Variants in OR6J1 observed in about 807,000 individuals in gnomAD.
OR6J1 encodes the protein olfactory receptor 6J1.
For synonymous variants in OR6J1, 109 were observed against 70.0 expected (o/e 1.56, Z -2.78); for missense variants, 304 against 166.8 (o/e 1.82, Z -4.53).
intron 1 of OR6J1, among the ~76,000 whole-genome samples, chr14:22,643,039 G>C (rs2037663253): frequency 1.3e-5 from 2 of 148,492 alleles, no homozygotes; most frequent in East Asian, 2.0e-4. Context: ...GCAATCTCTG[G>C]TCACTGCAAC....
At position 22,631,035 on chromosome 14, in the gene OR6J1, G is replaced by A. The variant is rs978910205; in HGVS notation, c.*2733C>T. 6.6e-6 allele frequency: 1 copy of A among 152,216 alleles called. No individual in the cohort carries two copies. The highest frequency in any genetic ancestry group is 2.1e-4 in the South Asian group (1 of 4,820). 9.4% of individuals were successfully genotyped at this position (152,216 alleles called of 1,614,324 possible). On this transcript the variant is annotated 3_prime_UTR_variant, in exon 2 of 2. Coordinates refer to ENST00000540461, the MANE Select transcript of OR6J1 (RefSeq NM_001348233.2). The stretch of plus-strand genomic sequence containing the variant: ...AGTTTTTATTAGGGACTTTCAAAAG[G>A]GGAGGGAGTGTACGAATAGGTGTGG...
rs1294125678 is a variant in OR6J1 at position 22,633,297 on chromosome 14, G to A, written c.*471C>T. 1.3e-5 allele frequency: 2 copies of A among 158,102 alleles called. No individual in the cohort carries two copies. The highest frequency in any genetic ancestry group is 4.8e-5 in the African/African-American group (2 of 41,378). 9.8% of individuals were successfully genotyped at this position (158,102 alleles called of 1,614,324 possible). ...TATTATTAAATAACACAGATGACAT[G>A]CACCCAACACAATCATTGCAAATGC... On this transcript the variant is annotated 3_prime_UTR_variant, in exon 2 of 2. Transcript: ENST00000540461.
chr14:22,642,312 A>ACTATATATATATATAT (rs2037658157), intron 1 of OR6J1, among the ~76,000 whole-genome samples: 1 of 109,240 alleles, frequency 9.2e-6, no homozygotes. Context: ...TCAACTTAAG[A>ACTATATATATATATAT]ATATATATAT....
At position 22,638,009 on chromosome 14, in the gene OR6J1, G is replaced by A. The variant is rs1176669766; in HGVS notation, c.-27-3171C>T. ...GAGGAGCCCCTCTGCCTGGCCAGCC[G>A]CCCCGTCCGGGAGGATGGTGGGGGG... On this transcript the variant is annotated intron_variant, in intron 1 of 1. Transcript: ENST00000540461. Among the ~76,000 whole-genome samples, 32 of 86,000 alleles carry A rather than the reference G, an allele frequency of 3.7e-4. 1 individual carries two copies. The highest frequency in any genetic ancestry group is 2.8e-3 in the Admixed American group (30 of 10,720). 56.4% of individuals were successfully genotyped at this position (86,000 alleles called of 152,430 possible). A position where few individuals can be genotyped will look rare whatever the true frequency, so the allele number is the denominator to read the frequency against.
chr14:22,636,213 TAAG>T (rs997380689), intron 1 of OR6J1, among the ~76,000 whole-genome samples: 1 of 119,004 alleles, frequency 8.4e-6, no homozygotes, highest in Non-Finnish European at 1.7e-5. Flanking sequence ...AAATATAAAT[TAAG>T]ACACTAGCGC....
chr14:22,640,956 G>A (rs936185833), intron 1 of OR6J1, among the ~76,000 whole-genome samples: 1 of 151,212 alleles, frequency 6.6e-6, no homozygotes, highest in South Asian at 2.1e-4. Flanking sequence ...ATGACTTAAG[G>A]TCAGGAGTTT....
At chr14:22,643,748 CACACACACACACACACAG>C (rs1352898070) in intron 1 of OR6J1, among the ~76,000 whole-genome samples, 4 of 108,472 alleles carry the variant, frequency 3.7e-5, no homozygotes, top group African/African-American at 7.4e-5. Flanking sequence ...CACACACACA[CACACACACACACACACAG>C]AGAGAGAGAG....
At chr14:22,641,822 T>G (rs1048935966) in intron 1 of OR6J1, among the ~76,000 whole-genome samples, 4 of 152,150 alleles carry the variant, frequency 2.6e-5, no homozygotes, top group African/African-American at 4.8e-5. Context: ...AGTTTTTTCA[T>G]GGATATTTGT....
At chr14:22,642,416 G>A (rs574133164) in intron 1 of OR6J1, among the ~76,000 whole-genome samples, 59 of 149,514 alleles carry the variant, frequency 3.9e-4, no homozygotes, top group African/African-American at 1.3e-3. Flanking sequence ...TCAGCTCACT[G>A]CAACCTCCAC....
At chr14:22,638,842 G>T (rs1432710353) in intron 1 of OR6J1, among the ~76,000 whole-genome samples, 4 of 88,190 alleles carry the variant, frequency 4.5e-5, no homozygotes, top group Non-Finnish European at 9.5e-5. Context: ...AGTGAGGAGC[G>T]TCTCCGCCCG....
intron 1 of OR6J1, among the ~76,000 whole-genome samples, chr14:22,640,451 G>A (rs1464665771): frequency 6.7e-6 from 1 of 148,422 alleles, no homozygotes; most frequent in African/African-American, 2.5e-5. Flanking sequence ...ATAAAGAAAT[G>A]AATAAACTTC....
chr14:22,631,731 C>A lies in OR6J1; in HGVS notation c.*2037G>T. ...ATTCATTGGGGAAGTGATAAGTGTC[C>A]ATGAAATCTTCACTATCCACATTCT... On this transcript the variant is annotated 3_prime_UTR_variant, in exon 2 of 2. Transcript: ENST00000540461. The A allele has an allele frequency of 6.5e-6, 1 of 153,382 alleles. No individual in the cohort carries two copies. Among genetic ancestry groups the A allele is most frequent in the South Asian group, 1.9e-4 (1 of 5,172 alleles). 9.5% of individuals were successfully genotyped at this position (153,382 alleles called of 1,614,324 possible).
At chr14:22,637,587 G>A (rs1304972886) in intron 1 of OR6J1, among the ~76,000 whole-genome samples, 4 of 45,636 alleles carry the variant, frequency 8.8e-5, no homozygotes, top group African/African-American at 4.2e-4. Context: ...AGGGAGGTGG[G>A]GGGGTCAGCC....
At chr14:22,637,546 G>T (rs2037600430) in intron 1 of OR6J1, among the ~76,000 whole-genome samples, 1 of 34,048 alleles carries the variant, frequency 2.9e-5, no homozygotes, top group Non-Finnish European at 5.7e-5. Context: ...GGGGGGGTCA[G>T]CCCCCTGCCC....
chr14:22,641,567 A>AAAAG (rs148406905), intron 1 of OR6J1, among the ~76,000 whole-genome samples: 78,590 of 148,924 alleles, frequency 0.53, 21,141 homozygotes, highest in East Asian at 0.68. Context: ...AGAAAAAGAA[A>AAAAG]AAAGAAAGAA....
At chr14:22,638,882 G>A (rs1455784660) in intron 1 of OR6J1, among the ~76,000 whole-genome samples, 10 of 95,550 alleles carry the variant, frequency 1.0e-4, no homozygotes, top group South Asian at 2.8e-4. Flanking sequence ...AGTGAGGAGC[G>A]CCTCTTCCCA....
chr14:22,637,614 G>A (rs1433309926), intron 1 of OR6J1, among the ~76,000 whole-genome samples: 22 of 63,482 alleles, frequency 3.5e-4, no homozygotes, highest in Non-Finnish European at 4.6e-4. Context: ...CTGGCCAGCC[G>A]CCCCATCCGG....
At chr14:22,640,298 GGAGGGGAGGAGAGGGGAGGA>G (rs147634012) in intron 1 of OR6J1, among the ~76,000 whole-genome samples, 7 of 97,544 alleles carry the variant, frequency 7.2e-5, no homozygotes. Context: ...AAGGGGGAAG[GGAGGGGAGGAGAGGGGAGGA>G]GAGGAGAGGA....
At chr14:22,643,061 C>T (rs1436160398) in intron 1 of OR6J1, among the ~76,000 whole-genome samples, 1 of 150,890 alleles carries the variant, frequency 6.6e-6, no homozygotes, top group African/African-American at 2.4e-5. Flanking sequence ...TCCGCCTCCC[C>T]GGTTCAAGCG....
Sources: allele counts gnomAD v4.1 joint callset (sites outside exome capture counted in the v4.1 genomes callset), GRCh38; gene constraint gnomAD v4.1.1; transcripts MANE v1.5; gene names NCBI Gene and HGNC (gene_info 2026-07-23, HGNC 2026-07-21).